GPC5: variants seen among roughly 807,000 people sequenced by gnomAD.
The protein encoded by GPC5 is glypican-5.
In GPC5, 47 loss-of-function variants were observed where a neutral mutation model predicts 53.9. The observed-to-expected ratio is 0.87, with a 90% confidence interval of 0.69 to 1.11. The LOEUF (loss-of-function observed/expected upper bound fraction) is 1.11, where lower values mean the gene tolerates loss of function less well. Ranked by LOEUF, GPC5 falls within the 50% of genes most tolerant of loss-of-function variation. The pLI, the probability that GPC5 is intolerant of heterozygous loss-of-function variation, is 0.00. For synonymous variants in GPC5, 286 were observed against 263.3 expected (o/e 1.09, Z -0.84); for missense variants, 748 against 713.1 (o/e 1.05, Z -0.56).
chr13:92,520,866 G>A (rs1325275031), intron 7 of GPC5, among the ~76,000 whole-genome samples: 1 of 152,178 alleles, frequency 6.6e-6, no homozygotes, highest in Non-Finnish European at 1.5e-5. Flanking sequence ...TGACATGATT[G>A]TGTAGTTAGA....
At chr13:92,639,981 T>TCTCTCTCTCA (rs1482723288) in intron 7 of GPC5, among the ~76,000 whole-genome samples, 1 of 151,578 alleles carries the variant, frequency 6.6e-6, no homozygotes, top group South Asian at 2.1e-4. Context: ...TTTCTCTCTC[T>TCTCTCTCTCA]CTCTCTCTCA....
At chr13:92,173,709 T>A in intron 7 of GPC5, among the ~76,000 whole-genome samples, 1 of 152,304 alleles carries the variant, frequency 6.6e-6, no homozygotes, top group South Asian at 2.1e-4. Context: ...ATATAATAAT[T>A]ATTTATATGA....
intron 2 of GPC5, among the ~76,000 whole-genome samples, chr13:91,474,309 G>A (rs1380516482): frequency 2.0e-5 from 3 of 152,092 alleles, no homozygotes. Context: ...TTGAGTCCCT[G>A]AAGTGAAGTT....
At chr13:92,669,643 C>A (rs71427591) in intron 7 of GPC5, among the ~76,000 whole-genome samples, 33,566 of 151,964 alleles carry the variant, frequency 0.22, 4,341 homozygotes, top group South Asian at 0.36. Context: ...CAGTTGAATC[C>A]ATTTCCTTTC....
intron 2 of GPC5, among the ~76,000 whole-genome samples, chr13:91,598,143 C>A (rs1399227991): frequency 6.6e-6 from 1 of 151,914 alleles, no homozygotes; most frequent in Middle Eastern, 3.2e-3. Flanking sequence ...CTATTTAAAG[C>A]CTTTAGAAAA....
At chr13:92,164,465 G>A (rs1273291848) in intron 7 of GPC5, among the ~76,000 whole-genome samples, 3 of 152,276 alleles carry the variant, frequency 2.0e-5, no homozygotes, top group Non-Finnish European at 4.4e-5. Flanking sequence ...ATTCCAAAAT[G>A]TTCTCCTTTG....
chr13:92,842,021 T>G (rs971368229), intron 7 of GPC5, among the ~76,000 whole-genome samples: 1 of 152,180 alleles, frequency 6.6e-6, no homozygotes, highest in African/African-American at 2.4e-5. Flanking sequence ...GTGGTCTTGG[T>G]CTTCCATTCA....
chr13:92,591,493 TTATC>T (rs1395617050), intron 7 of GPC5, among the ~76,000 whole-genome samples: 1 of 152,210 alleles, frequency 6.6e-6, no homozygotes, highest in East Asian at 1.9e-4. Flanking sequence ...TTATATGTAT[TTATC>T]ATGTACAACA....
chr13:92,047,030 C>G (rs1285861199), intron 6 of GPC5, among the ~76,000 whole-genome samples: 1 of 152,002 alleles, frequency 6.6e-6, no homozygotes, highest in African/African-American at 2.4e-5. Context: ...TTTATTTTTC[C>G]TCCCTAGCAC....
At chr13:92,393,857 C>G (rs1023663624) in intron 7 of GPC5, among the ~76,000 whole-genome samples, 1 of 152,082 alleles carries the variant, frequency 6.6e-6, no homozygotes, top group African/African-American at 2.4e-5. Flanking sequence ...ACACCGAAAC[C>G]TAAAATAAAA....
At chr13:92,741,693 C>CGT (rs1239968777) in intron 7 of GPC5, among the ~76,000 whole-genome samples, 19 of 152,026 alleles carry the variant, frequency 1.2e-4, no homozygotes, top group Admixed American at 2.0e-4. Flanking sequence ...CCCATTAACT[C>CGT]GTCATTTACA....
chr13:92,809,953 T>A (rs892929349), intron 7 of GPC5, among the ~76,000 whole-genome samples: 15 of 152,208 alleles, frequency 9.9e-5, no homozygotes, highest in Admixed American at 9.8e-4. Flanking sequence ...AATGAATTAA[T>A]TTCCCCTATA....
At chr13:92,632,065 A>G (rs1033067525) in intron 7 of GPC5, among the ~76,000 whole-genome samples, 15 of 152,190 alleles carry the variant, frequency 9.9e-5, no homozygotes, top group African/African-American at 2.9e-4. Context: ...AACTGGCCTA[A>G]CAGAGACAAA....
chr13:91,712,609 T>C (rs1021211259), intron 3 of GPC5, among the ~76,000 whole-genome samples: 6 of 152,140 alleles, frequency 3.9e-5, no homozygotes, highest in African/African-American at 9.7e-5. Context: ...TTCATTCACA[T>C]TGGAAAATCC....
intron 5 of GPC5, among the ~76,000 whole-genome samples, chr13:91,813,717 C>A (rs757820514): frequency 6.6e-6 from 1 of 152,006 alleles, no homozygotes; most frequent in Non-Finnish European, 1.5e-5. Context: ...AGTATCTACT[C>A]TTTTTGTAAA....
At chr13:92,354,165 T>C (rs1475418854) in intron 7 of GPC5, among the ~76,000 whole-genome samples, 1 of 152,234 alleles carries the variant, frequency 6.6e-6, no homozygotes, top group Non-Finnish European at 1.5e-5. Context: ...CCTGAACTTG[T>C]AGGCTGTAAA....
intron 7 of GPC5, among the ~76,000 whole-genome samples, chr13:92,660,612 C>T (rs1316102018): frequency 1.3e-5 from 2 of 151,458 alleles, no homozygotes; most frequent in Non-Finnish European, 2.9e-5. Context: ...ATGGTTTCTT[C>T]TTCCCTCTCT....
intron 2 of GPC5, among the ~76,000 whole-genome samples, chr13:91,576,931 A>G (rs555001663): frequency 3.1e-5 from 2 of 63,966 alleles, no homozygotes; most frequent in South Asian, 6.5e-4. Context: ...GTTCATCTGT[A>G]AAAAAAAAAA....
At position 92,404,919 on chromosome 13, in the gene GPC5, A is replaced by C. The variant is rs542983801; in HGVS notation, c.1561+259930A>C. 1.6e-4 allele frequency among the ~76,000 whole-genome samples: 24 copies of C among 150,480 alleles called. No homozygotes were observed. The South Asian group carries it at 5.0e-3, about 32-fold the overall frequency. On this transcript the variant is annotated intron_variant, in intron 7 of 7. Coordinates refer to ENST00000377067, the MANE Select transcript of GPC5 (RefSeq NM_004466.6). ...AATGTATAGACAATCCTCACTTAAC[A>C]TTGTCAATAGGTTCTTGGAAACTGG... is the stretch of plus-strand genomic sequence containing the variant.
Sources: gnomAD v4.1 joint callset for allele counts (sites outside exome capture counted in the v4.1 genomes callset) on GRCh38, gnomAD v4.1.1 for gene constraint, MANE v1.5 for transcripts, NCBI Gene and HGNC (gene_info 2026-07-23, HGNC 2026-07-21) for gene names.